GABRB3: variants seen among roughly 807,000 people sequenced by gnomAD.
GABRB3 encodes gamma-aminobutyric acid receptor subunit beta-3.
In GABRB3, 14 loss-of-function variants were observed where a neutral mutation model predicts 52.1. The ratio of observed to expected loss-of-function variants is 0.27; its 90% CI spans 0.18 to 0.42. GABRB3 has a LOEUF of 0.42. Among genes scored for constraint, GABRB3 ranks in the 10% least tolerant of loss-of-function variants. The pLI is 1.00. For synonymous variants in GABRB3, 260 were observed against 232.3 expected, an observed-to-expected ratio of 1.12 and a Z score of -1.08; for missense variants, 307 against 609.1, an observed-to-expected ratio of 0.50 and a Z score of 5.22.
At chr15:26,768,710 T>C (rs1303127429) in intron 3 of GABRB3, among the ~76,000 whole-genome samples, 3 of 152,088 alleles carry the variant, frequency 2.0e-5, no homozygotes, top group Non-Finnish European at 4.4e-5. Context: ...ATAATTTTTA[T>C]AGATTATCTA....
chr15:26,586,443 C>G (rs1385122289), intron 4 of GABRB3, among the ~76,000 whole-genome samples: 1 of 144,552 alleles, frequency 6.9e-6, no homozygotes, highest in Non-Finnish European at 1.5e-5. Flanking sequence ...TACACATAAA[C>G]ATGCCCAAAT....
At chr15:26,565,334 G>C (rs142428119) in intron 7 of GABRB3, among the ~76,000 whole-genome samples, 1 of 152,178 alleles carries the variant, frequency 6.6e-6, no homozygotes, top group African/African-American at 2.4e-5. Context: ...GTCATACTCT[G>C]AGAGCTGGAT....
chr15:26,569,361 G>A (rs1197616525), intron 6 of GABRB3: 10 of 152,190 alleles, frequency 6.6e-5, no homozygotes, highest in Admixed American at 3.9e-4. Context: ...GTCTTTGTGT[G>A]TGTCTGTGTA....
At position 26,657,104 on chromosome 15, in the gene GABRB3, T is replaced by C. The variant is rs1393236402; in HGVS notation, c.241-35570A>G. ...TCTCTGGGAACCAATTCTCTCTCCATTCATCTTAACTCACACCAGAAGTGA... is the reference window on the plus strand; with the variant it reads ...TCTCTGGGAACCAATTCTCTCTCCACTCATCTTAACTCACACCAGAAGTGA... On this transcript the variant is annotated intron_variant, in intron 3 of 8. Transcript: ENST00000311550. The C allele has an allele frequency of 2.0e-5, 3 of 152,230 alleles. No homozygotes were observed. The East Asian group carries it at 5.8e-4, about 29-fold the overall frequency. 9.4% of individuals were successfully genotyped at this position (152,230 alleles called of 1,614,324 possible).
intron 3 of GABRB3, among the ~76,000 whole-genome samples, chr15:26,628,690 CAAA>C (rs990974294): frequency 7.3e-4 from 106 of 145,094 alleles, no homozygotes; most frequent in Non-Finnish European, 1.1e-3. Flanking sequence ...AACAAAAAAA[CAAA>C]AAAACAAAAC....
intron 3 of GABRB3, among the ~76,000 whole-genome samples, chr15:26,734,446 A>C (rs1890014788): frequency 6.6e-6 from 1 of 152,152 alleles, no homozygotes; most frequent in Non-Finnish European, 1.5e-5. Flanking sequence ...AAAAACAGAC[A>C]AACTGAATGT....
rs71420030 is a variant in GABRB3, at chr15:26,746,185, C to CTT, written c.240+26215_240+26216dup. Among the ~76,000 whole-genome samples, 69 of 150,442 alleles carry CTT rather than the reference C, an allele frequency of 4.6e-4. 1 individual carries two copies. The highest frequency in any genetic ancestry group is 2.0e-4 in the African/African-American group (8 of 40,890). ...GGTGTTTAGGAATATCTCACTGTGGCTTTTTTTTTGCATTTTGCTAATGGC... is the reference window on the plus strand; with the variant it reads ...GGTGTTTAGGAATATCTCACTGTGGCTTTTTTTTTTTGCATTTTGCTAATGGC... On this transcript the variant is annotated intron_variant, in intron 3 of 8. Transcript: ENST00000311550.
At chr15:26,651,672 G>A (rs138658252) in intron 3 of GABRB3, among the ~76,000 whole-genome samples, 67 of 152,126 alleles carry the variant, frequency 4.4e-4, no homozygotes, top group African/African-American at 1.6e-3. Context: ...CATATCTAAG[G>A]CACTTGGGGA....
chr15:26,570,144 T>C (rs926728227), intron 6 of GABRB3, among the ~76,000 whole-genome samples: 9 of 152,246 alleles, frequency 5.9e-5, no homozygotes, highest in Non-Finnish European at 1.0e-4. Context: ...TTAAAACTTG[T>C]GTTTAGCCTT....
intron 3 of GABRB3, among the ~76,000 whole-genome samples, chr15:26,735,775 C>A (rs1231750776): frequency 6.7e-6 from 1 of 149,428 alleles, no homozygotes; most frequent in Non-Finnish European, 1.5e-5. Context: ...ATAGGGAGAC[C>A]CCATTTCCAC....
chr15:26,657,658 G>A (rs1284093005), intron 3 of GABRB3, among the ~76,000 whole-genome samples: 1 of 152,192 alleles, frequency 6.6e-6, no homozygotes, highest in Non-Finnish European at 1.5e-5. Context: ...ATCATCTCCA[G>A]TTCATAGGTA....
chr15:26,699,325 A>C (rs1888850027), intron 3 of GABRB3, among the ~76,000 whole-genome samples: 1 of 152,168 alleles, frequency 6.6e-6, no homozygotes, highest in Non-Finnish European at 1.5e-5. Context: ...TTTCCAAGTA[A>C]CGTAACTGTG....
intron 3 of GABRB3, among the ~76,000 whole-genome samples, chr15:26,649,930 C>T (rs1235467271): frequency 6.6e-6 from 1 of 152,052 alleles, no homozygotes; most frequent in African/African-American, 2.4e-5. Flanking sequence ...TGAGATAAAA[C>T]AGTCCAATTC....
chr15:26,769,269 G>A lies in GABRB3; in HGVS notation c.240+3133C>T, dbSNP rs180677318. Among the ~76,000 whole-genome samples, 303 of 152,188 alleles carry A rather than the reference G, an allele frequency of 2.0e-3. 1 individual carries two copies. The highest frequency in any genetic ancestry group is 6.4e-3 in the African/African-American group (266 of 41,546). ...TTTGTATTTATTTCACTACATACACGTTTTCAAAAATGCATCTATCAAAAC... is the reference window on the plus strand; with the variant it reads ...TTTGTATTTATTTCACTACATACACATTTTCAAAAATGCATCTATCAAAAC... On this transcript the variant is annotated intron_variant, in intron 3 of 8. Coordinates refer to ENST00000311550, the MANE Select transcript of GABRB3 (RefSeq NM_000814.6).
chr15:26,628,959 C>G, intron 3 of GABRB3: 1 of 1,535,880 alleles, frequency 6.5e-7, no homozygotes, highest in Non-Finnish European at 8.7e-7. Context: ...GCCGAGAGCC[C>G]GCGTCCCCGA....
At chr15:26,567,522 T>G (rs1485007344) in intron 7 of GABRB3, 59 bp downstream of exon 7, 2 of 1,545,110 alleles carry the variant, frequency 1.3e-6, no homozygotes, top group Non-Finnish European at 8.9e-7. Flanking sequence ...TTGAACTCTC[T>G]TAATACTGTA....
intron 6 of GABRB3, among the ~76,000 whole-genome samples, chr15:26,572,393 T>A (rs1336205218): frequency 6.6e-6 from 1 of 152,134 alleles, no homozygotes; most frequent in Admixed American, 6.5e-5. Context: ...CAGGCAGGGA[T>A]GAAGGAGAGC....
In GABRB3 at chr15:26,607,974, T is replaced by C. The variant is rs529698656; in HGVS notation, c.461+13340A>G. Among the ~76,000 whole-genome samples, 8 of 151,918 alleles carry C rather than the reference T, an allele frequency of 5.3e-5. No individual in the cohort carries two copies. The East Asian group carries it at 1.5e-3, about 29-fold the overall frequency. Reference sequence around the variant, plus strand: ...AGAAACAAAAATTATAAAATTCATATGGAACCAAAACAAAAAACCCAAAAT... The same window carrying C: ...AGAAACAAAAATTATAAAATTCATACGGAACCAAAACAAAAAACCCAAAAT... On this transcript the variant is annotated intron_variant, in intron 4 of 8. Transcript: ENST00000311550.
At chr15:26,620,834 C>T (rs1263041603) in intron 4 of GABRB3, among the ~76,000 whole-genome samples, 2 of 152,146 alleles carry the variant, frequency 1.3e-5, no homozygotes, top group African/African-American at 2.4e-5. Context: ...TGTTTCTCAT[C>T]AGGAAATCTC....
Sources: gnomAD v4.1 joint callset for allele counts (sites outside exome capture counted in the v4.1 genomes callset) on GRCh38, gnomAD v4.1.1 for gene constraint, MANE v1.5 for transcripts, NCBI Gene and HGNC (gene_info 2026-07-23, HGNC 2026-07-21) for gene names.